CNTNAP2: variants seen among roughly 807,000 people sequenced by gnomAD.
The protein encoded by CNTNAP2 is contactin associated protein 2.
Under a neutral mutation model 155.2 loss-of-function variants are expected in CNTNAP2, and 98 were observed. The ratio of observed to expected loss-of-function variants is 0.63; its 90% CI spans 0.54 to 0.75. The LOEUF is 0.75. Among genes scored for constraint, CNTNAP2 ranks in the 30% least tolerant of loss-of-function variants. The probability of loss-of-function intolerance (pLI) is 0.00; values close to 1 mark genes in which losing one functional copy is unlikely to be tolerated. For synonymous variants in CNTNAP2, 651 were observed against 631.2 expected (o/e 1.03, Z -0.47); for missense variants, 1,727 against 1,688.1 (o/e 1.02, Z -0.40).
intron 20 of CNTNAP2, among the ~76,000 whole-genome samples, chr7:148,240,702 G>A (rs576692078): frequency 5.3e-5 from 8 of 152,258 alleles, no homozygotes; most frequent in South Asian, 4.1e-4. Context: ...ACAGTAGACC[G>A]TCTACAAGCT....
At chr7:148,077,114 C>T (rs1429762099) in intron 15 of CNTNAP2, among the ~76,000 whole-genome samples, 1 of 151,978 alleles carries the variant, frequency 6.6e-6, no homozygotes, top group Non-Finnish European at 1.5e-5. Context: ...TCGATACTAG[C>T]CTGACCAACA....
rs567620503 is a variant in CNTNAP2, at chr7:147,661,217, A to G, written c.2098+21911A>G. On this transcript the variant is annotated intron_variant, in intron 13 of 23. Coordinates refer to ENST00000361727, the MANE Select transcript of CNTNAP2 (RefSeq NM_014141.6). Reference sequence around the variant, plus strand: ...TTGTCTCAAAAATCCAAATATTTCCATCGAATATTTGGTGTACTTTTTAGA... The same window carrying G: ...TTGTCTCAAAAATCCAAATATTTCCGTCGAATATTTGGTGTACTTTTTAGA... Among the ~76,000 whole-genome samples the G allele has an allele frequency of 1.1e-4, 16 of 151,932 alleles. No individual in the cohort carries two copies. In the South Asian group the frequency reaches 3.3e-3, roughly 32 times the overall value.
chr7:147,375,179 T>G lies in CNTNAP2; in HGVS notation c.1499-20430T>G, dbSNP rs558405840. On this transcript the variant is annotated intron_variant, in intron 9 of 23. Coordinates refer to ENST00000361727, the MANE Select transcript of CNTNAP2 (RefSeq NM_014141.6). ...GAACTGTAAGTCAATTAAACCTCTT[T>G]CCTTTACAAATTACCCAGTCTCTGG... 4.3e-4 allele frequency among the ~76,000 whole-genome samples: 66 copies of G among 152,114 alleles called. 1 individual carries two copies. The South Asian group carries it at 9.6e-3, about 22-fold the overall frequency.
chr7:146,502,239 A>G (rs1486828156), intron 1 of CNTNAP2, among the ~76,000 whole-genome samples: 3 of 120,206 alleles, frequency 2.5e-5, no homozygotes, highest in African/African-American at 1.1e-4. Context: ...ATATATATAT[A>G]TATATATATA....
chr7:146,995,795 T>C (rs959742923), intron 3 of CNTNAP2, among the ~76,000 whole-genome samples: 1 of 152,166 alleles, frequency 6.6e-6, no homozygotes, highest in African/African-American at 2.4e-5. Flanking sequence ...GATGTATAGT[T>C]TGCAAATATT....
chr7:146,941,539 T>C (rs1298956008), intron 3 of CNTNAP2, among the ~76,000 whole-genome samples: 1 of 152,164 alleles, frequency 6.6e-6, no homozygotes, highest in Non-Finnish European at 1.5e-5. Context: ...GCCATTATAG[T>C]ATGAAGATAG....
At chr7:148,299,192 G>A (rs1018292938) in intron 21 of CNTNAP2, among the ~76,000 whole-genome samples, 18 of 152,052 alleles carry the variant, frequency 1.2e-4, no homozygotes, top group African/African-American at 3.1e-4. Flanking sequence ...GGGCTTCACC[G>A]TGTTAGCCAG....
At chr7:148,041,429 C>T (rs1424815854) in intron 15 of CNTNAP2, among the ~76,000 whole-genome samples, 1 of 152,200 alleles carries the variant, frequency 6.6e-6, no homozygotes, top group Non-Finnish European at 1.5e-5. Flanking sequence ...CTGTGGCAGG[C>T]CACAAACATG....
chr7:147,652,907 C>T (rs1795469595), intron 13 of CNTNAP2, among the ~76,000 whole-genome samples: 1 of 152,002 alleles, frequency 6.6e-6, no homozygotes, highest in Admixed American at 6.6e-5. Flanking sequence ...AAGTAGTAGG[C>T]CAAAAGAGAC....
At chr7:147,968,660 A>T (rs1249409377) in intron 14 of CNTNAP2, among the ~76,000 whole-genome samples, 3 of 152,152 alleles carry the variant, frequency 2.0e-5, no homozygotes, top group Non-Finnish European at 4.4e-5. Flanking sequence ...ATGAACGTAA[A>T]GGAACTGGCA....
intron 1 of CNTNAP2, among the ~76,000 whole-genome samples, chr7:146,711,408 A>G (rs1037625441): frequency 6.8e-6 from 1 of 147,358 alleles, no homozygotes; most frequent in African/African-American, 2.5e-5. Context: ...TATAATATAT[A>G]CTATGTAATA....
At chr7:147,759,269 TGCA>T (rs1797263633) in intron 13 of CNTNAP2, among the ~76,000 whole-genome samples, 1 of 152,198 alleles carries the variant, frequency 6.6e-6, no homozygotes, top group Admixed American at 6.5e-5. Flanking sequence ...CCTTCATTTC[TGCA>T]GCCTGTTTCT....
At chr7:146,543,685 T>C (rs1023688262) in intron 1 of CNTNAP2, among the ~76,000 whole-genome samples, 2 of 151,980 alleles carry the variant, frequency 1.3e-5, no homozygotes, top group African/African-American at 4.8e-5. Context: ...CATTGTTTCC[T>C]AAACCCTCTT....
chr7:147,272,452 G>A (rs1024482992), intron 8 of CNTNAP2, among the ~76,000 whole-genome samples: 2 of 152,102 alleles, frequency 1.3e-5, no homozygotes, highest in Non-Finnish European at 2.9e-5. Flanking sequence ...ATTTGAAGAC[G>A]TTACTGTATC....
intron 1 of CNTNAP2, among the ~76,000 whole-genome samples, chr7:146,623,551 C>G (rs958905838): frequency 1.3e-5 from 2 of 152,162 alleles, no homozygotes; most frequent in African/African-American, 4.8e-5. Flanking sequence ...GCTTCTTTCA[C>G]TTAGTAATAT....
intron 10 of CNTNAP2, among the ~76,000 whole-genome samples, chr7:147,457,705 T>G (rs2116580945): frequency 6.6e-6 from 1 of 152,278 alleles, no homozygotes; most frequent in East Asian, 1.9e-4. Flanking sequence ...CTAGAAACAG[T>G]ATTCTACAAA....
At chr7:148,101,435 C>T (rs10279343) in intron 15 of CNTNAP2, among the ~76,000 whole-genome samples, 15,064 of 150,100 alleles carry the variant, frequency 0.1, 2,057 homozygotes, top group African/African-American at 0.31. Flanking sequence ...AAGGAGAAAA[C>T]CAAGTGGATT....
intron 10 of CNTNAP2, among the ~76,000 whole-genome samples, chr7:147,446,566 C>G (rs539971788): frequency 6.6e-6 from 1 of 152,082 alleles, no homozygotes; most frequent in Admixed American, 6.6e-5. Context: ...TTTACAACCA[C>G]GACTGCGAGA....
rs146555287 is a variant in CNTNAP2 at position 146,971,715 on chromosome 7, A to G, written c.403-72192A>G. Among the ~76,000 whole-genome samples the G allele has an allele frequency of 2.1e-4, 32 of 152,200 alleles. No homozygotes were observed. In the South Asian group the frequency reaches 5.0e-3, roughly 24 times the overall value. On this transcript the variant is annotated intron_variant, in intron 3 of 23. Coordinates refer to ENST00000361727, the MANE Select transcript of CNTNAP2 (RefSeq NM_014141.6). The stretch of plus-strand genomic sequence containing the variant: ...GTGGAGAGGGGTCACTCTCTGGCCT[A>G]CTATAAAAAGGCACTCATTCCATTC...
Sources: allele counts gnomAD v4.1 joint callset (sites outside exome capture counted in the v4.1 genomes callset), GRCh38; gene constraint gnomAD v4.1.1; transcripts MANE v1.5; gene names NCBI Gene and HGNC (gene_info 2026-07-23, HGNC 2026-07-21).